Variants in ATG3 observed in about 807,000 individuals in gnomAD.
The protein encoded by ATG3 is autophagy related 3, also known as ubiquitin-like-conjugating enzyme ATG3.
ATG3 carries 25 observed loss-of-function variants against 50.7 expected under a neutral mutation model. The ratio of observed to expected loss-of-function variants is 0.49; its 90% CI spans 0.36 to 0.69. ATG3 has a LOEUF of 0.69. Among genes scored for constraint, ATG3 ranks in the 30% least tolerant of loss-of-function variants. The pLI, the probability that ATG3 is intolerant of heterozygous loss-of-function variation, is 0.00. For missense variants in ATG3, 281 were observed against 376.0 expected (o/e 0.75, Z 2.09); for synonymous variants, 119 against 125.5 (o/e 0.95, Z 0.34).
intron 5 of ATG3, among the ~76,000 whole-genome samples, chr3:112,544,705 G>A (rs556847154): frequency 5.5e-5 from 7 of 126,532 alleles, no homozygotes; most frequent in African/African-American, 1.3e-4. Flanking sequence ...TACAGGACTC[G>A]TATGTACATT....
chr3:112,559,362 A>G lies in ATG3; in HGVS notation c.73-945T>C, dbSNP rs561918591. Among the ~76,000 whole-genome samples, 4 of 152,368 alleles carry G rather than the reference A, an allele frequency of 2.6e-5. No individual in the cohort carries two copies. The South Asian group carries it at 8.3e-4, about 32-fold the overall frequency. On this transcript the variant is annotated intron_variant, in intron 1 of 11. Coordinates refer to ENST00000283290, the MANE Select transcript of ATG3 (RefSeq NM_022488.5). The stretch of plus-strand genomic sequence containing the variant: ...ACTCATTTATAAACATTATTCATTC[A>G]ACAAATGTTTACTATGTGCCAGACA...
rs1933043161 is a variant in ATG3, at chr3:112,536,285, TG to T, written c.794+189del. The T allele has an allele frequency of 1.5e-5, 9 of 594,152 alleles. No individual in the cohort carries two copies. The South Asian group carries it at 2.2e-4, about 15-fold the overall frequency. 36.8% of individuals were successfully genotyped at this position (594,152 alleles called of 1,614,324 possible). A position where few individuals can be genotyped will look rare whatever the true frequency, so the allele number is the denominator to read the frequency against. On this transcript the variant is annotated intron_variant, in intron 10 of 11. Coordinates refer to ENST00000283290, the MANE Select transcript of ATG3 (RefSeq NM_022488.5). The stretch of plus-strand genomic sequence containing the variant: ...TTAACATATTAAACTTAAAACAAAT[TG>T]GTAAGTTTTTTTTCCTTTTTCTTAT...
chr3:112,557,362 G>C (rs1012564687), intron 2 of ATG3, among the ~76,000 whole-genome samples: 3 of 152,132 alleles, frequency 2.0e-5, no homozygotes, highest in Non-Finnish European at 4.4e-5. Context: ...GGAGCCGGGC[G>C]CAGTGGCTCA....
At chr3:112,555,491 TTAAAC>T (rs747236289) in intron 2 of ATG3, among the ~76,000 whole-genome samples, 154 of 152,352 alleles carry the variant, frequency 1.0e-3, no homozygotes, top group Non-Finnish European at 1.6e-3. Flanking sequence ...AGTATTCTAC[TTAAAC>T]AAGTCATACA....
chr3:112,561,388 C>G, intron 1 of ATG3, 69 bp downstream of exon 1: 1 of 1,527,958 alleles, frequency 6.5e-7, no homozygotes, highest in Non-Finnish European at 9.0e-7. Context: ...GCGGGGACTC[C>G]TGCGGCGCCT....
rs7624917 is a variant in ATG3 at position 112,532,977 on chromosome 3, C to T, written c.864-197G>A. The T allele has an allele frequency of 3.4e-3, 4,182 of 1,215,540 alleles. 113 individuals carry two copies. In the African/African-American group the frequency reaches 0.057, roughly 17 times the overall value. 75.3% of individuals were successfully genotyped at this position (1,215,540 alleles called of 1,614,324 possible). On this transcript the variant is annotated intron_variant, in intron 11 of 11. Coordinates refer to ENST00000283290, the MANE Select transcript of ATG3 (RefSeq NM_022488.5). ...GGCTCTTTAAGACTACCTGACCACT[C>T]ATTCGATTATTGAATTTGAAACTTC...
intron 8 of ATG3, 43 bp downstream of exon 8, chr3:112,538,103 T>C: frequency 6.9e-7 from 1 of 1,456,150 alleles, no homozygotes; most frequent in Non-Finnish European, 9.4e-7. Flanking sequence ...CATCCCCAAG[T>C]TCATCCATTA....
intron 7 of ATG3, 83 bp downstream of exon 7, chr3:112,541,720 T>C: frequency 8.2e-7 from 1 of 1,222,366 alleles, no homozygotes; most frequent in Non-Finnish European, 1.2e-6. Context: ...TACAACTCAA[T>C]GAAGAATTCT....
Position 112,532,744 on chromosome 3 carries a change from GAC to G in ATG3, c.898_899del (p.Val300HisfsTer7). The G allele has an allele frequency of 6.3e-7, 1 of 1,599,600 alleles. No homozygotes were observed. Among genetic ancestry groups the G allele is most frequent in the Non-Finnish European group, 8.5e-7 (1 of 1,173,120 alleles). ...LLIFLKFVQA[V>X]IPTIEYDYTR... Reference sequence around the variant, plus strand: ...TGTAGTCATATTCTATTGTTGGAATGACAGCTTGTACAAATTTCAAGAAAATA... The same window carrying G: ...TGTAGTCATATTCTATTGTTGGAATGAGCTTGTACAAATTTCAAGAAAATA... On this transcript the variant is annotated frameshift_variant, in exon 12 of 12. Transcript: ENST00000283290. LOFTEE classifies it high-confidence loss of function.
At chr3:112,542,528 G>C (rs927076315) in intron 6 of ATG3, among the ~76,000 whole-genome samples, 1 of 151,936 alleles carries the variant, frequency 6.6e-6, no homozygotes, top group South Asian at 2.1e-4. Context: ...TTTTACCTAG[G>C]TTACATTTTA....
At chr3:112,537,552 G>A in intron 9 of ATG3, 183 bp downstream of exon 9, 2 of 465,634 alleles carry the variant, frequency 4.3e-6, no homozygotes, top group East Asian at 3.5e-5. Context: ...TTGTTACACT[G>A]AATAATTCAT....
rs184159827 is a variant in ATG3, at chr3:112,542,374, G to C, written c.394-490C>G. Among the ~76,000 whole-genome samples the C allele has an allele frequency of 1.4e-4, 22 of 152,176 alleles. No homozygotes were observed. In the East Asian group the frequency reaches 4.2e-3, roughly 29 times the overall value. Reference sequence around the variant, plus strand: ...ACTTTACAGTTATTAAAATGCACAAGATATCAGTTCAATTTCTTAACTATA... The same window carrying C: ...ACTTTACAGTTATTAAAATGCACAACATATCAGTTCAATTTCTTAACTATA... On this transcript the variant is annotated intron_variant, in intron 6 of 11. Transcript: ENST00000283290.
chr3:112,555,777 G>C (rs1371062741), intron 2 of ATG3, among the ~76,000 whole-genome samples: 2 of 152,126 alleles, frequency 1.3e-5, no homozygotes, highest in Admixed American at 1.3e-4. Context: ...TCCCAACCCT[G>C]CATTATGTAA....
intron 4 of ATG3, 105 bp downstream of exon 4, chr3:112,550,087 G>T: frequency 1.4e-6 from 1 of 705,914 alleles, no homozygotes. Context: ...AACAGAAAGA[G>T]GTGATAAAAC....
intron 10 of ATG3, chr3:112,536,091 T>C (rs1933037585): frequency 5.6e-6 from 1 of 177,600 alleles, no homozygotes; most frequent in South Asian, 1.3e-4. Flanking sequence ...CAAGGTTAAC[T>C]CCACAGTCTA....
intron 5 of ATG3, among the ~76,000 whole-genome samples, chr3:112,545,743 CAAAG>C (rs1284561033): frequency 9.2e-5 from 14 of 152,020 alleles, no homozygotes; most frequent in African/African-American, 2.9e-4. Flanking sequence ...ATACAGTTGA[CAAAG>C]AAAAAGAAAG....
In ATG3 at chr3:112,561,466, C is replaced by T. The variant is rs138058725; in HGVS notation, c.63G>A (p.Pro21=). The T allele has an allele frequency of 2.0e-5, 31 of 1,565,340 alleles. No homozygotes were observed. In the African/African-American group the frequency reaches 3.6e-4, roughly 18 times the overall value. The part of the protein sequence containing the change: ...KALEVAEYLT[P]VLKESKFKET... ...CCCTGGCCTGGCTTACCTTGAGGAC[C>T]GGGGTCAGGTACTCAGCCACTTCCA... Residue 21 remains proline (P), a synonymous_variant, in exon 1 of 12, where the codon CCG becomes CCA. Transcript: ENST00000283290.
intron 11 of ATG3, 30 bp from the exon 12 acceptor site, chr3:112,532,810 T>C (rs1322751416): frequency 2.6e-6 from 4 of 1,559,386 alleles, no homozygotes; most frequent in Non-Finnish European, 3.5e-6. Context: ...GAAAATAAGA[T>C]TTGTAAATAG....
intron 9 of ATG3, among the ~76,000 whole-genome samples, chr3:112,537,362 A>G (rs911636651): frequency 1.3e-5 from 2 of 152,206 alleles, no homozygotes; most frequent in Admixed American, 6.5e-5. Context: ...ACATACATAC[A>G]ACAATCCACT....
Sources: allele counts gnomAD v4.1 joint callset (sites outside exome capture counted in the v4.1 genomes callset), GRCh38; gene constraint gnomAD v4.1.1; transcripts MANE v1.5; gene names NCBI Gene and HGNC (gene_info 2026-07-23, HGNC 2026-07-21).